Variants in SCN4A observed in about 807,000 individuals in gnomAD.
SCN4A encodes the protein sodium channel protein type 4 subunit alpha.
In SCN4A, 83 loss-of-function variants were observed where a neutral mutation model predicts 162.0. That is an observed-to-expected ratio of 0.51 (90% CI 0.43 to 0.61). The LOEUF is 0.61. SCN4A is among the 20% of genes least tolerant of loss of function. The pLI is 0.00. For synonymous variants in SCN4A, 944 were observed against 985.1 expected, an observed-to-expected ratio of 0.96 and a Z score of 0.78; for missense variants, 2,196 against 2,462.5, an observed-to-expected ratio of 0.89 and a Z score of 2.29.
chr17:63,966,018 TAGGCCCCATC>T, intron 8 of SCN4A, 74 bp downstream of exon 8: 1 of 1,042,490 alleles, frequency 9.6e-7, no homozygotes, highest in South Asian at 1.4e-5. Flanking sequence ...CATCCTGTGG[TAGGCCCCATC>T]AGGCCCTGAA....
intron 17 of SCN4A, 60 bp from the exon 18 acceptor site, chr17:63,947,227 A>G: frequency 6.2e-7 from 1 of 1,603,616 alleles, no homozygotes; most frequent in African/African-American, 1.3e-5. Context: ...CCTCAAGCCC[A>G]GGCCACGGGG....
rs373185863 is a variant in SCN4A at position 63,972,231 on chromosome 17, G to T, written c.393-6C>A. 53 of 1,612,400 alleles carry T rather than the reference G, an allele frequency of 3.3e-5. No homozygotes were observed. The African/African-American group carries it at 3.6e-4, about 11-fold the overall frequency. ...TGATGAACATGCTGAACAGCGTGGGGCAGGGTCAAGGAAAGTGAGGAAGCA... is the reference window on the plus strand; with the variant it reads ...TGATGAACATGCTGAACAGCGTGGGTCAGGGTCAAGGAAAGTGAGGAAGCA... On this transcript the variant is annotated splice_polypyrimidine_tract_variant and splice_region_variant and intron_variant, in intron 2 of 23. Coordinates refer to ENST00000435607, the MANE Select transcript of SCN4A (RefSeq NM_000334.4). The surrounding 1 kb of genome is among the most constrained non-coding windows in gnomAD (Gnocchi z 4.3).
chr17:63,963,365 C>T (rs1041377412), intron 10 of SCN4A, among the ~76,000 whole-genome samples: 9 of 152,242 alleles, frequency 5.9e-5, no homozygotes, highest in East Asian at 1.9e-4. Context: ...AAGGCCCTCC[C>T]GGAAGCCCCC....
Position 63,971,151 on chromosome 17 carries a change from C to G in SCN4A, c.703+11G>C, listed in dbSNP as rs1404685995. 1 of 1,545,236 alleles carries G rather than the reference C, an allele frequency of 6.5e-7. No individual in the cohort carries two copies. Among genetic ancestry groups the G allele is most frequent in the Non-Finnish European group, 8.8e-7 (1 of 1,139,986 alleles). ...CAGCTCAGGCAGAGGGTCCCTGCAC[C>G]TCCCCAGTACCTGGGATGACCGTGA... On this transcript the variant is annotated intron_variant, in intron 5 of 23. Coordinates refer to ENST00000435607, the MANE Select transcript of SCN4A (RefSeq NM_000334.4).
In SCN4A at chr17:63,972,055, G is replaced by A; in HGVS notation, c.482+81C>T. 1 of 1,186,832 alleles carries A rather than the reference G, an allele frequency of 8.4e-7. No individual in the cohort carries two copies. The allele number at this position is 1,186,832 out of a possible 1,614,324, so 73.5% of individuals were successfully genotyped here. Reference sequence around the variant, plus strand: ...GACAGTGTGTCTCCCTGAAAGACAAGAGCAGCACCACACAGAGGTGCAAAC... The same window carrying A: ...GACAGTGTGTCTCCCTGAAAGACAAAAGCAGCACCACACAGAGGTGCAAAC... On this transcript the variant is annotated intron_variant, in intron 3 of 23. Coordinates refer to ENST00000435607, the MANE Select transcript of SCN4A (RefSeq NM_000334.4). The surrounding 1 kb of genome is among the most constrained non-coding windows in gnomAD (Gnocchi z 4.3).
At chr17:63,964,399 GC>G (rs1262420559) in intron 9 of SCN4A, 68 bp downstream of exon 9, 20 of 1,428,974 alleles carry the variant, frequency 1.4e-5, no homozygotes, top group Non-Finnish European at 2.0e-5. Context: ...CCAGGGAGAA[GC>G]CAGTGGCAGC....
intron 11 of SCN4A, 49 bp from the exon 12 acceptor site, chr17:63,959,487 C>A: frequency 1.3e-6 from 2 of 1,569,080 alleles, no homozygotes; most frequent in Non-Finnish European, 1.7e-6. Context: ...GAGCCCAGGG[C>A]CCTGGAAGTC....
At chr17:63,949,321 T>C in intron 15 of SCN4A, 72 bp downstream of exon 15, 3 of 1,461,724 alleles carry the variant, frequency 2.1e-6, no homozygotes, top group Non-Finnish European at 2.7e-6. Flanking sequence ...CTTTTGGTCC[T>C]GGTGTAGCCT....
intron 6 of SCN4A, among the ~76,000 whole-genome samples, chr17:63,966,838 T>C (rs890920892): frequency 2.6e-5 from 4 of 152,144 alleles, no homozygotes; most frequent in Non-Finnish European, 4.4e-5. Context: ...CATGGGGTTA[T>C]TGTGTACCTA....
At chr17:63,949,044 A>C (rs1292593442) in intron 15 of SCN4A, among the ~76,000 whole-genome samples, 1 of 145,584 alleles carries the variant, frequency 6.9e-6, no homozygotes, top group Non-Finnish European at 1.5e-5. Context: ...CCCACCCCCC[A>C]CCTCGCCCAG....
intron 13 of SCN4A, among the ~76,000 whole-genome samples, chr17:63,953,834 G>A (rs1261368440): frequency 6.6e-6 from 1 of 152,194 alleles, no homozygotes; most frequent in African/African-American, 2.4e-5. Context: ...CTAGGACACA[G>A]AGCATAGCCA....
intron 11 of SCN4A, among the ~76,000 whole-genome samples, chr17:63,960,686 T>C (rs1238929631): frequency 6.6e-6 from 1 of 152,000 alleles, no homozygotes. Flanking sequence ...AGGAAAGGGC[T>C]GGAGAGAGGA....
In SCN4A at chr17:63,941,095, C is replaced by T. The variant is rs755749165; in HGVS notation, c.5187G>A (p.Val1729=). The change falls in exon 24 of 24, where the codon GTG becomes GTA. Residue 1729 remains valine, a synonymous_variant. Transcript: ENST00000435607. This position sits in a 1 kb window ranked among gnomAD's most constrained non-coding sequence, Gnocchi z 6.2. ...TTTLKRKHEE[V]CAIKIQRAYR... is the part of the protein sequence containing the mutation. ...AGGCCCTCTGGATCTTGATGGCGCA[C>T]ACCTCCTCGTGCTTCCTCTTGAGGG... The T allele has an allele frequency of 1.9e-6, 3 of 1,613,912 alleles. No homozygotes were observed. Among genetic ancestry groups the T allele is most frequent in the Non-Finnish European group, 1.7e-6 (2 of 1,179,898 alleles).
chr17:63,946,679 C>A (rs971772113), intron 18 of SCN4A, among the ~76,000 whole-genome samples: 2 of 152,102 alleles, frequency 1.3e-5, no homozygotes, highest in Admixed American at 6.5e-5. Context: ...GGGAGGGCCA[C>A]CCATAAACCC....
intron 8 of SCN4A, 122 bp downstream of exon 8, chr17:63,965,980 G>A (rs1273050344): frequency 4.3e-6 from 3 of 701,650 alleles, no homozygotes; most frequent in Non-Finnish European, 7.5e-6. Context: ...GGGAGTCCAT[G>A]AGGAGATGGC....
At chr17:63,971,911 C>G in intron 3 of SCN4A, 61 bp from the exon 4 acceptor site, 1 of 1,542,192 alleles carries the variant, frequency 6.5e-7, no homozygotes, top group Non-Finnish European at 9.0e-7. Context: ...AGTGTGGCAA[C>G]GACAGACCCC....
intron 5 of SCN4A, among the ~76,000 whole-genome samples, chr17:63,969,313 G>T (rs1229853208): frequency 1.3e-5 from 2 of 152,214 alleles, no homozygotes; most frequent in African/African-American, 4.8e-5. Flanking sequence ...AATAATCCCA[G>T]GGGCAGGTTC....
At chr17:63,966,288 C>T (rs536652331) in intron 7 of SCN4A, 45 bp from the exon 8 acceptor site, 2 of 1,580,498 alleles carry the variant, frequency 1.3e-6, no homozygotes, top group Non-Finnish European at 1.7e-6. Context: ...GAGGAGCACT[C>T]CAGCTGGGGG....
At chr17:63,965,339 C>T (rs1006475049) in intron 8 of SCN4A, among the ~76,000 whole-genome samples, 1 of 152,178 alleles carries the variant, frequency 6.6e-6, no homozygotes, top group Non-Finnish European at 1.5e-5. Flanking sequence ...CCACTGCACC[C>T]AGCCAGTAGC....
Sources: allele counts gnomAD v4.1 joint callset (sites outside exome capture counted in the v4.1 genomes callset), GRCh38; gene constraint gnomAD v4.1.1; non-coding constraint Gnocchi (gnomAD v3.1); transcripts MANE v1.5; gene names NCBI Gene and HGNC (gene_info 2026-07-23, HGNC 2026-07-21).